The following NTSR1 variants were observed in gnomAD, a reference collection of about 807,000 sequenced individuals.
The protein encoded by NTSR1 is neurotensin receptor 1.
A neutral mutation model predicts 31.2 loss-of-function variants in NTSR1; 29 were observed. That is an observed-to-expected ratio of 0.93 (90% confidence interval 0.69 to 1.27). NTSR1 has a LOEUF of 1.27. NTSR1 is among the 50% of genes most tolerant of loss of function. NTSR1 has a pLI of 0.00. For missense variants in NTSR1, 697 were observed against 595.4 expected (o/e 1.17, Z -1.78); for synonymous variants, 282 against 269.9 (o/e 1.04, Z -0.44).
intron 1 of NTSR1, among the ~76,000 whole-genome samples, chr20:62,724,379 C>A (rs1291167888): frequency 1.3e-5 from 2 of 152,220 alleles, no homozygotes; most frequent in Non-Finnish European, 2.9e-5. Flanking sequence ...CCCAAGGCCC[C>A]TACCCTGGCG....
chr20:62,726,315 C>T (rs1229017889), intron 1 of NTSR1, among the ~76,000 whole-genome samples: 3 of 152,216 alleles, frequency 2.0e-5, no homozygotes, highest in Non-Finnish European at 4.4e-5. Context: ...GATCGGCCTG[C>T]GTCTGTCAAT....
chr20:62,717,980 C>A (rs1310489401), intron 1 of NTSR1, among the ~76,000 whole-genome samples: 1 of 151,992 alleles, frequency 6.6e-6, no homozygotes, highest in Non-Finnish European at 1.5e-5. Context: ...TCGTGCAGAC[C>A]CTGCAGGAGC....
rs1410426375 is a variant in NTSR1, at chr20:62,744,729, C to CA, written c.715-9946dup. ...GCAACAAGAGCAAAGCTCAGTCTCA[C>CA]AAAAAAAAAAGAGAGAAATGAGCCT... On this transcript the variant is annotated intron_variant, in intron 1 of 3. Coordinates refer to ENST00000370501, the MANE Select transcript of NTSR1 (RefSeq NM_002531.3). The surrounding 1 kb of genome is among the most constrained non-coding windows in gnomAD (Gnocchi z 4.1). Among the ~76,000 whole-genome samples, 136 of 146,878 alleles carry CA rather than the reference C, an allele frequency of 9.3e-4. No homozygotes were observed. The highest frequency in any genetic ancestry group is 1.4e-3 in the African/African-American group (57 of 40,080).
rs556583440 is a variant in NTSR1 at position 62,742,344 on chromosome 20, C to T, written c.715-12341C>T. On this transcript the variant is annotated intron_variant, in intron 1 of 3. Transcript: ENST00000370501. This position sits in a 1 kb window ranked among gnomAD's most constrained non-coding sequence, Gnocchi z 7.1. The stretch of plus-strand genomic sequence containing the variant: ...AGGTCTGTGGTCACTGCTGACCACG[C>T]GGCAATGTACGGCTTTCCAGGCCCC... Among the ~76,000 whole-genome samples the T allele has an allele frequency of 2.7e-5, 4 of 149,392 alleles. No homozygotes were observed. The highest frequency in any genetic ancestry group is 7.5e-5 in the African/African-American group (3 of 39,968).
chr20:62,758,942 C>G lies in NTSR1; in HGVS notation c.1007+586C>G, dbSNP rs905359246. ...GGGCACCCACTGCCTGGCAAAACCC[C>G]TACTGTTTGCACCAACAGTTCAGGG... is the stretch of plus-strand genomic sequence containing the variant. On this transcript the variant is annotated intron_variant, in intron 3 of 3. Transcript: ENST00000370501. This position sits in a 1 kb window ranked among gnomAD's most constrained non-coding sequence, Gnocchi z 4.5. Among the ~76,000 whole-genome samples, 1 of 152,184 alleles carries G rather than the reference C, an allele frequency of 6.6e-6. No individual in the cohort carries two copies. The highest frequency in any genetic ancestry group is 1.5e-5 in the Non-Finnish European group (1 of 68,028).
intron 1 of NTSR1, among the ~76,000 whole-genome samples, chr20:62,749,663 G>C (rs545915018): frequency 6.6e-6 from 1 of 152,214 alleles, no homozygotes; most frequent in Admixed American, 6.5e-5. Flanking sequence ...CCAAAGAAGA[G>C]CTACATATGG....
intron 1 of NTSR1, among the ~76,000 whole-genome samples, chr20:62,716,163 C>T (rs1341699374): frequency 6.6e-6 from 1 of 152,218 alleles, no homozygotes; most frequent in Non-Finnish European, 1.5e-5. Context: ...CCTTCTCTCT[C>T]CCCAGACTGA....
chr20:62,709,632 G>A lies in NTSR1; in HGVS notation c.425G>A (p.Arg142His), dbSNP rs1161157004. Residue 142 changes from arginine (R) to histidine (H), a missense_variant, in exon 1 of 4, where the codon CGC (arginine) becomes CAC (histidine). Arg to His is a conservative substitution (Grantham distance 29). Transcript: ENST00000370501. ...TGGGCCTTCGGCGACGCCGGCTGCC[G>A]CGGCTACTACTTCCTGCGCGACGCC... The part of the protein sequence containing the change: ...HPWAFGDAGC[R>H]GYYFLRDACT... The A allele has an allele frequency of 1.2e-6, 2 of 1,612,122 alleles. No individual in the cohort carries two copies. Among genetic ancestry groups the A allele is most frequent in the Non-Finnish European group, 1.7e-6 (2 of 1,179,922 alleles).
In NTSR1 at chr20:62,758,807, A is replaced by C. The variant is rs957625180; in HGVS notation, c.1007+451A>C. Among the ~76,000 whole-genome samples the C allele has an allele frequency of 2.6e-5, 4 of 152,202 alleles. No homozygotes were observed. Among genetic ancestry groups the C allele is most frequent in the African/African-American group, 9.7e-5 (4 of 41,446 alleles). On this transcript the variant is annotated intron_variant, in intron 3 of 3. Coordinates refer to ENST00000370501, the MANE Select transcript of NTSR1 (RefSeq NM_002531.3). The surrounding 1 kb of genome is among the most constrained non-coding windows in gnomAD (Gnocchi z 4.5). ...TGACAAAGCTTTGCTTATACAGCAAAGTCAGCAAAGGGAAAAGACACATGG... is the reference window on the plus strand; with the variant it reads ...TGACAAAGCTTTGCTTATACAGCAACGTCAGCAAAGGGAAAAGACACATGG...
In NTSR1 at chr20:62,747,556, C is replaced by G. The variant is rs1280651242; in HGVS notation, c.715-7129C>G. Reference sequence around the variant, plus strand: ...TGACAGACCCACAGCTAACACCACACTCAGTGATAAGAAGTAGAAAGCTTT... The same window carrying G: ...TGACAGACCCACAGCTAACACCACAGTCAGTGATAAGAAGTAGAAAGCTTT... On this transcript the variant is annotated intron_variant, in intron 1 of 3. Transcript: ENST00000370501. Among the ~76,000 whole-genome samples, 4 of 151,660 alleles carry G rather than the reference C, an allele frequency of 2.6e-5. 2 individuals carry two copies. Among genetic ancestry groups the G allele is most frequent in the Non-Finnish European group, 5.9e-5 (4 of 67,892 alleles).
At position 62,739,841 on chromosome 20, in the gene NTSR1, C is replaced by T. The variant is rs367987574; in HGVS notation, c.715-14844C>T. Among the ~76,000 whole-genome samples, 6 of 152,370 alleles carry T rather than the reference C, an allele frequency of 3.9e-5. No homozygotes were observed. The East Asian group carries it at 5.8e-4, about 15-fold the overall frequency. ...GTGCAGCGGCCGGCGACGGCCAGAA[C>T]TGGAGAACAGGCCGGCGGGGTGCGG... On this transcript the variant is annotated intron_variant, in intron 1 of 3. Coordinates refer to ENST00000370501, the MANE Select transcript of NTSR1 (RefSeq NM_002531.3).
At chr20:62,723,733 G>A (rs888946468) in intron 1 of NTSR1, among the ~76,000 whole-genome samples, 6 of 152,212 alleles carry the variant, frequency 3.9e-5, no homozygotes, top group African/African-American at 1.4e-4. Flanking sequence ...AGACACAGCA[G>A]CCTGAAGCTC....
chr20:62,743,437 C>T lies in NTSR1; in HGVS notation c.715-11248C>T, dbSNP rs1250020291. Among the ~76,000 whole-genome samples, 1 of 152,186 alleles carries T rather than the reference C, an allele frequency of 6.6e-6. No homozygotes were observed. The highest frequency in any genetic ancestry group is 2.4e-5 in the African/African-American group (1 of 41,442). ...CAGTGTTTGCTGGGTCTAGTGGGGGCCTCTCCACCTGGAGTCTGTCTGGGA... is the reference window on the plus strand; with the variant it reads ...CAGTGTTTGCTGGGTCTAGTGGGGGTCTCTCCACCTGGAGTCTGTCTGGGA... On this transcript the variant is annotated intron_variant, in intron 1 of 3. Coordinates refer to ENST00000370501, the MANE Select transcript of NTSR1 (RefSeq NM_002531.3). This position sits in a 1 kb window ranked among gnomAD's most constrained non-coding sequence, Gnocchi z 7.5.
Position 62,709,288 on chromosome 20 carries a change from G to A in NTSR1, c.81G>A (p.Glu27=). 6.3e-7 allele frequency: 1 copy of A among 1,589,216 alleles called. No homozygotes were observed. The highest frequency in any genetic ancestry group is 8.5e-7 in the Non-Finnish European group (1 of 1,171,884). ...TCCAGCGGGCGCAGGCCGGACTGGA[G>A]GAGGCGCTGCTGGCCCCGGGCTTCG... ...DPFQRAQAGL[E]EALLAPGFGN... Residue 27 remains glutamate, a synonymous_variant, in exon 1 of 4, where the codon GAG becomes GAA. Coordinates refer to ENST00000370501, the MANE Select transcript of NTSR1 (RefSeq NM_002531.3).
In NTSR1 at chr20:62,742,568, C is replaced by T. The variant is rs1438580177; in HGVS notation, c.715-12117C>T. ...CAGAACCTTCTAGAACAAGGTCACA[C>T]TGGCAGTTCTTTATGCCTTCCGTCC... On this transcript the variant is annotated intron_variant, in intron 1 of 3. Coordinates refer to ENST00000370501, the MANE Select transcript of NTSR1 (RefSeq NM_002531.3). This position sits in a 1 kb window ranked among gnomAD's most constrained non-coding sequence, Gnocchi z 7.1. Among the ~76,000 whole-genome samples, 1 of 149,524 alleles carries T rather than the reference C, an allele frequency of 6.7e-6. No individual in the cohort carries two copies. Among genetic ancestry groups the T allele is most frequent in the Admixed American group, 6.7e-5 (1 of 14,860 alleles).
chr20:62,760,005 T>C lies in NTSR1; in HGVS notation c.1008-13T>C, dbSNP rs1476483098. On this transcript the variant is annotated splice_polypyrimidine_tract_variant and intron_variant, in intron 3 of 3. Coordinates refer to ENST00000370501, the MANE Select transcript of NTSR1 (RefSeq NM_002531.3). The stretch of plus-strand genomic sequence containing the variant: ...GTTCTCTCTGGGATCTGAGCGCCTC[T>C]CTCTCCCCGCAGGTTCCTCTATGAC... 5.0e-6 allele frequency: 8 copies of C among 1,611,850 alleles called. No individual in the cohort carries two copies. The highest frequency in any genetic ancestry group is 4.0e-5 in the African/African-American group (3 of 74,864).
intron 1 of NTSR1, among the ~76,000 whole-genome samples, chr20:62,730,326 C>T (rs549815476): frequency 4.6e-5 from 7 of 152,312 alleles, no homozygotes; most frequent in South Asian, 4.1e-4. Flanking sequence ...TTACCCAGAA[C>T]GTCACACAGC....
chr20:62,739,632 C>T (rs532977375), intron 1 of NTSR1, among the ~76,000 whole-genome samples: 17 of 152,380 alleles, frequency 1.1e-4, no homozygotes, highest in African/African-American at 4.1e-4. Context: ...ATCAGATTCA[C>T]CACAACAGGG....
chr20:62,746,731 C>A (rs904720145), intron 1 of NTSR1, among the ~76,000 whole-genome samples: 2 of 152,148 alleles, frequency 1.3e-5, no homozygotes, highest in Non-Finnish European at 2.9e-5. Flanking sequence ...AATGGAAAAT[C>A]TGAAAGGACC....
Sources: allele counts gnomAD v4.1 joint callset (sites outside exome capture counted in the v4.1 genomes callset), GRCh38; gene constraint gnomAD v4.1.1; non-coding constraint Gnocchi (gnomAD v3.1); transcripts MANE v1.5; gene names NCBI Gene and HGNC (gene_info 2026-07-23, HGNC 2026-07-21).